Variants in SLC6A5 observed in about 807,000 individuals in gnomAD.
The protein encoded by SLC6A5 is sodium- and chloride-dependent glycine transporter 2.
A neutral mutation model predicts 90.5 loss-of-function variants in SLC6A5; 58 were observed. That is an observed-to-expected ratio of 0.64 (90% CI 0.52 to 0.80). The LOEUF is 0.80. SLC6A5 is among the 30% of genes least tolerant of loss of function. The pLI, the probability that SLC6A5 is intolerant of heterozygous loss-of-function variation, is 0.00. For missense variants in SLC6A5, 1,015 were observed against 1,017.6 expected, an observed-to-expected ratio of 1.00 and a Z score of 0.03; for synonymous variants, 427 against 401.4, an observed-to-expected ratio of 1.06 and a Z score of -0.76.
At position 20,655,571 on chromosome 11, in the gene SLC6A5, C is replaced by A. The variant is rs1474478531; in HGVS notation, c.*703C>A. 1.3e-5 allele frequency: 2 copies of A among 152,954 alleles called. No individual in the cohort carries two copies. The highest frequency in any genetic ancestry group is 4.8e-5 in the African/African-American group (2 of 41,428). The allele number at this position is 152,954 out of a possible 1,614,324, so 9.5% of individuals were successfully genotyped here. Reference sequence around the variant, plus strand: ...AACTGTCTTTTTTTGTTTTAAATAACCACATTTGTGAGTTCTTTTGGTCAT... The same window carrying A: ...AACTGTCTTTTTTTGTTTTAAATAAACACATTTGTGAGTTCTTTTGGTCAT... On this transcript the variant is annotated 3_prime_UTR_variant, in exon 16 of 16. Transcript: ENST00000525748.
At chr11:20,600,411 GAC>G (rs1852446590) in intron 1 of SLC6A5, among the ~76,000 whole-genome samples, 3 of 140,574 alleles carry the variant, frequency 2.1e-5, no homozygotes, top group Non-Finnish European at 3.1e-5. Flanking sequence ...AGAAGAAGAA[GAC>G]CTAAACAAAA....
chr11:20,659,102 A>T lies in SLC6A5; in HGVS notation c.*4234A>T, dbSNP rs2133831721. 1 of 149,406 alleles carries T rather than the reference A, an allele frequency of 6.7e-6. No homozygotes were observed. Among genetic ancestry groups the T allele is most frequent in the Admixed American group, 6.7e-5 (1 of 15,022 alleles). The allele number at this position is 149,406 out of a possible 1,614,324, so 9.3% of individuals were successfully genotyped here. A position where few individuals can be genotyped will look rare whatever the true frequency, so the allele number is the denominator to read the frequency against. On this transcript the variant is annotated 3_prime_UTR_variant, in exon 16 of 16. Transcript: ENST00000525748. ...ATATATCTTATAGATTACATATTATATACTGCACATTATTCATTTAAGAAG... is the reference window on the plus strand; with the variant it reads ...ATATATCTTATAGATTACATATTATTTACTGCACATTATTCATTTAAGAAG...
intron 8 of SLC6A5, among the ~76,000 whole-genome samples, chr11:20,627,483 C>T (rs928350709): frequency 6.6e-6 from 1 of 152,178 alleles, no homozygotes; most frequent in African/African-American, 2.4e-5. Context: ...AGAAAGTCTC[C>T]ACTTAATAGC....
At chr11:20,613,170 T>A (rs1852724811) in intron 5 of SLC6A5, among the ~76,000 whole-genome samples, 1 of 152,210 alleles carries the variant, frequency 6.6e-6, no homozygotes, top group East Asian at 1.9e-4. Context: ...AGCCACTGCA[T>A]CCCTCTGTGC....
rs185008091 is a variant in SLC6A5, at chr11:20,619,334, G to C, written c.1260+1450G>C. Among the ~76,000 whole-genome samples the C allele has an allele frequency of 5.9e-5, 9 of 152,312 alleles. No individual in the cohort carries two copies. The South Asian group carries it at 1.4e-3, about 25-fold the overall frequency. ...TAGACCGAACTGTCTTCTCCCTGGG[G>C]ACATGGACATTTTTGATTACAGCTT... is the stretch of plus-strand genomic sequence containing the variant. On this transcript the variant is annotated intron_variant, in intron 7 of 15. Coordinates refer to ENST00000525748, the MANE Select transcript of SLC6A5 (RefSeq NM_004211.5).
At chr11:20,618,945 G>GACACACAC (rs68111718) in intron 7 of SLC6A5, among the ~76,000 whole-genome samples, 3,797 of 148,686 alleles carry the variant, frequency 0.026, 69 homozygotes, top group Admixed American at 0.056. Context: ...TGTCCCGCCC[G>GACACACAC]ACACACACAC....
chr11:20,642,776 G>A (rs1465762140), intron 13 of SLC6A5, among the ~76,000 whole-genome samples: 1 of 152,220 alleles, frequency 6.6e-6, no homozygotes, highest in African/African-American at 2.4e-5. Flanking sequence ...ATGTGGGCCA[G>A]GGCCTGGGTG....
rs1463013210 is a variant in SLC6A5, at chr11:20,630,671, C to T, written c.1500-20C>T. ...CTCACCAAGCACACCTAATGGAAAA[C>T]TCTGGTCTCTTCCTTCCAGGGACAC... On this transcript the variant is annotated intron_variant, in intron 9 of 15. Transcript: ENST00000525748. 4.3e-6 allele frequency: 7 copies of T among 1,614,140 alleles called. No homozygotes were observed. The highest frequency in any genetic ancestry group is 5.9e-6 in the Non-Finnish European group (7 of 1,179,944).
intron 9 of SLC6A5, among the ~76,000 whole-genome samples, chr11:20,628,774 A>C (rs1853051671): frequency 6.6e-6 from 1 of 152,202 alleles, no homozygotes; most frequent in African/African-American, 2.4e-5. Context: ...TCTTTATTAG[A>C]AATGAGGCTG....
chr11:20,599,953 A>T (rs1852426723), intron 1 of SLC6A5, among the ~76,000 whole-genome samples: 1 of 152,158 alleles, frequency 6.6e-6, no homozygotes, highest in African/African-American at 2.4e-5. Flanking sequence ...AGATGCCGGT[A>T]CAGAGGCGAG....
chr11:20,654,722 T>C lies in SLC6A5; in HGVS notation c.2248T>C (p.Leu750=). ...TTTGGCTTCTTTGCAGAGGCTGAAG[T>C]TGGTGTGCTCGCCACAGCCGGACTG... The part of the protein sequence containing the change: ...APGRFIERLK[L]VCSPQPDWGP... Residue 750 remains leucine, a synonymous_variant, in exon 16 of 16, where the codon TTG becomes CTG. Transcript: ENST00000525748. The C allele has an allele frequency of 1.2e-6, 2 of 1,614,170 alleles. No homozygotes were observed. Among genetic ancestry groups the C allele is most frequent in the Non-Finnish European group, 1.7e-6 (2 of 1,180,022 alleles).
At chr11:20,640,720 A>T (rs1460112757) in intron 13 of SLC6A5, among the ~76,000 whole-genome samples, 6 of 151,898 alleles carry the variant, frequency 4.0e-5, no homozygotes, top group African/African-American at 1.4e-4. Flanking sequence ...AAGAAGAAAA[A>T]AGCCTGCACA....
chr11:20,601,807 G>C, intron 2 of SLC6A5, 142 bp downstream of exon 2: 1 of 925,276 alleles, frequency 1.1e-6, no homozygotes, highest in Middle Eastern at 3.2e-4. Flanking sequence ...GGCGGCTTTG[G>C]GGCTTCGGAA....
chr11:20,646,961 C>A, intron 14 of SLC6A5, 27 bp downstream of exon 14: 1 of 1,400,752 alleles, frequency 7.1e-7, no homozygotes, highest in Non-Finnish European at 1.0e-6. Flanking sequence ...TTTTCTTGTG[C>A]AGACAGCACC....
chr11:20,631,310 C>T (rs925248134), intron 10 of SLC6A5, among the ~76,000 whole-genome samples: 9 of 152,184 alleles, frequency 5.9e-5, no homozygotes, highest in African/African-American at 2.2e-4. Flanking sequence ...GCTTTCAGGG[C>T]CTTCTGCTTA....
chr11:20,634,159 C>T (rs554472132), intron 10 of SLC6A5, among the ~76,000 whole-genome samples: 12 of 152,314 alleles, frequency 7.9e-5, no homozygotes, highest in East Asian at 5.8e-4. Context: ...CGTGAGCCAC[C>T]GCACCTGGCT....
At chr11:20,644,413 C>T (rs1317441817) in intron 13 of SLC6A5, among the ~76,000 whole-genome samples, 10 of 152,208 alleles carry the variant, frequency 6.6e-5, no homozygotes, top group Non-Finnish European at 1.5e-4. Flanking sequence ...GACATCATCT[C>T]CACTCTTTCA....
intron 13 of SLC6A5, among the ~76,000 whole-genome samples, chr11:20,643,760 T>C (rs1853357605): frequency 6.6e-6 from 1 of 152,176 alleles, no homozygotes; most frequent in South Asian, 2.1e-4. Flanking sequence ...AAAGTTGCCT[T>C]GGATGAATCG....
At position 20,607,617 on chromosome 11, in the gene SLC6A5, C is replaced by T. The variant is rs150764554; in HGVS notation, c.950C>T (p.Thr317Met). ...PWGSCNNPWN[T>M]PECKDKTKLL... The stretch of plus-strand genomic sequence containing the variant: ...GGCTCCTGCAACAACCCTTGGAATA[C>T]GCCAGAATGCAAAGATAAAACCAAA... Residue 317 changes from threonine to methionine, a missense_variant, in exon 5 of 16, where the codon ACG becomes ATG. This residue lies in a region of SLC6A5 where 567 missense variants were observed against 507.3 expected (regional missense o/e 1.12). Coordinates refer to ENST00000525748, the MANE Select transcript of SLC6A5 (RefSeq NM_004211.5). 356 of 1,614,086 alleles carry T rather than the reference C, an allele frequency of 2.2e-4. 1 individual carries two copies. The highest frequency in any genetic ancestry group is 8.3e-4 in the Admixed American group (50 of 60,024).
Sources: gnomAD v4.1 joint callset for allele counts (sites outside exome capture counted in the v4.1 genomes callset) on GRCh38, gnomAD v4.1.1 for gene constraint, gnomAD v4.1.1 regional missense constraint, MANE v1.5 for transcripts, NCBI Gene and HGNC (gene_info 2026-07-23, HGNC 2026-07-21) for gene names.